The following IGSF6 variants were observed in gnomAD, a reference collection of about 807,000 sequenced individuals.
The protein encoded by IGSF6 is immunoglobulin superfamily member 6.
A neutral mutation model predicts 24.7 loss-of-function variants in IGSF6; 23 were observed. The ratio of observed to expected loss-of-function variants is 0.93; its 90% CI spans 0.67 to 1.32. The LOEUF is 1.32. Among genes scored for constraint, IGSF6 ranks in the 40% most tolerant of loss-of-function variants. IGSF6 has a pLI of 0.00. For missense variants in IGSF6, 295 were observed against 293.6 expected, an observed-to-expected ratio of 1.00 and a Z score of -0.04; for synonymous variants, 110 against 113.7, an observed-to-expected ratio of 0.97 and a Z score of 0.21.
At chr16:21,643,467 A>T in intron 4 of IGSF6, 81 bp downstream of exon 4, 2 of 899,744 alleles carry the variant, frequency 2.2e-6, no homozygotes, top group Admixed American at 2.6e-5. Context: ...TTAAATATTT[A>T]AAAGCTAAAA....
At chr16:21,651,376 C>T (rs906716720) in intron 1 of IGSF6, among the ~76,000 whole-genome samples, 12 of 152,164 alleles carry the variant, frequency 7.9e-5, no homozygotes, top group South Asian at 2.1e-4. Flanking sequence ...CTCCCTATAG[C>T]CTGAAAGTCC....
At chr16:21,648,573 G>T (rs962537473) in intron 1 of IGSF6, among the ~76,000 whole-genome samples, 21 of 152,186 alleles carry the variant, frequency 1.4e-4, no homozygotes, top group Admixed American at 7.2e-4. Flanking sequence ...ACCATGTGGT[G>T]CTCTTCCAAG....
rs945301354 is a variant in IGSF6, at chr16:21,640,174, A to G, written c.*1360T>C. ...AGGCTGGTCTCGAACTCCTGATCTC[A>G]TGATTCACCTGCCTCAGCCTCCCAA... is the stretch of plus-strand genomic sequence containing the variant. On this transcript the variant is annotated 3_prime_UTR_variant, in exon 6 of 6. Coordinates refer to ENST00000268389, the MANE Select transcript of IGSF6 (RefSeq NM_005849.4). 4 of 151,966 alleles carry G rather than the reference A, an allele frequency of 2.6e-5. No individual in the cohort carries two copies. The highest frequency in any genetic ancestry group is 4.4e-5 in the Non-Finnish European group (3 of 68,002). The allele number at this position is 151,966 out of a possible 1,614,324, so 9.4% of individuals were successfully genotyped here. A position where few individuals can be genotyped will look rare whatever the true frequency, so the allele number is the denominator to read the frequency against.
chr16:21,649,998 C>T (rs573175944), intron 1 of IGSF6, among the ~76,000 whole-genome samples: 1 of 152,214 alleles, frequency 6.6e-6, no homozygotes, highest in East Asian at 1.9e-4. Flanking sequence ...AAAGGGAAGC[C>T]AAAGAGCCAG....
chr16:21,648,338 G>A (rs1041844115), intron 1 of IGSF6, among the ~76,000 whole-genome samples: 11 of 152,190 alleles, frequency 7.2e-5, no homozygotes, highest in African/African-American at 2.7e-4. Context: ...AATGGGGATA[G>A]TATTGTTGAC....
intron 5 of IGSF6, among the ~76,000 whole-genome samples, chr16:21,642,786 T>C (rs1036295453): frequency 6.6e-6 from 1 of 152,234 alleles, no homozygotes; most frequent in African/African-American, 2.4e-5. Context: ...TTTTAATCTA[T>C]CCTTTTAAAG....
intron 4 of IGSF6, 143 bp from the exon 5 acceptor site, chr16:21,643,297 T>C: frequency 4.5e-6 from 3 of 659,430 alleles, no homozygotes; most frequent in East Asian, 2.6e-5. Context: ...TACAGTTAAC[T>C]CTTTTGTATT....
Position 21,647,289 on chromosome 16 carries a change from T to G in IGSF6, c.271A>C (p.Thr91Pro), listed in dbSNP as rs1966455447. The change falls in exon 2 of 6, where the codon ACA (threonine) becomes CCA (proline). Residue 91 changes from threonine (T) to proline (P), a missense_variant. Thr to Pro is a conservative substitution (Grantham distance 38). Coordinates refer to ENST00000268389, the MANE Select transcript of IGSF6 (RefSeq NM_005849.4). ...DGCKSEADKFTVREALKENQV... is the reference protein window; with the variant it reads ...DGCKSEADKFPVREALKENQV... ...TTTTCTTTGAGGGCCTCCCTCACTG[T>G]GAACTTGTCTGCCTCACTTTTGCAC... 1 of 1,614,066 alleles carries G rather than the reference T, an allele frequency of 6.2e-7. No individual in the cohort carries two copies. The highest frequency in any genetic ancestry group is 1.7e-5 in the Admixed American group (1 of 60,012).
At chr16:21,645,457 T>TA (rs1044607888) in intron 2 of IGSF6, among the ~76,000 whole-genome samples, 5 of 151,326 alleles carry the variant, frequency 3.3e-5, no homozygotes, top group Admixed American at 2.6e-4. Context: ...ACTCTTGTCT[T>TA]AAAAAAAAAG....
At chr16:21,642,289 A>G (rs1175782098) in intron 5 of IGSF6, 1 of 150,156 alleles carries the variant, frequency 6.7e-6, no homozygotes, top group Non-Finnish European at 1.5e-5. Context: ...AGTTCAGCTT[A>G]TTTTGTGCTC....
intron 1 of IGSF6, chr16:21,651,933 A>T (rs1966587128): frequency 6.6e-6 from 1 of 152,132 alleles, no homozygotes; most frequent in Non-Finnish European, 1.5e-5. Flanking sequence ...TCCCATTAAC[A>T]TTTTGATATA....
At position 21,639,665 on chromosome 16, in the gene IGSF6, C is replaced by T. The variant is rs867440804; in HGVS notation, c.*1869G>A. 2 of 152,122 alleles carry T rather than the reference C, an allele frequency of 1.3e-5. No homozygotes were observed. The highest frequency in any genetic ancestry group is 3.4e-3 in the Middle Eastern group (1 of 294). 9.4% of individuals were successfully genotyped at this position (152,122 alleles called of 1,614,324 possible). A position where few individuals can be genotyped will look rare whatever the true frequency, so the allele number is the denominator to read the frequency against. On this transcript the variant is annotated 3_prime_UTR_variant, in exon 6 of 6. Transcript: ENST00000268389. The stretch of plus-strand genomic sequence containing the variant: ...CAAAGGTACATTTTCATGCATATAC[C>T]GTATACAAAACACATGTGGCCCCAC...
At position 21,641,294 on chromosome 16, in the gene IGSF6, A is replaced by G; in HGVS notation, c.*240T>C. On this transcript the variant is annotated 3_prime_UTR_variant, in exon 6 of 6. Coordinates refer to ENST00000268389, the MANE Select transcript of IGSF6 (RefSeq NM_005849.4). Reference sequence around the variant, plus strand: ...AACAGACTCAGGATACAAGTTTAAAATAGAATTTTTTTTCTTGGCAAATTT... The same window carrying G: ...AACAGACTCAGGATACAAGTTTAAAGTAGAATTTTTTTTCTTGGCAAATTT... The G allele has an allele frequency of 6.0e-6, 2 of 335,674 alleles. No individual in the cohort carries two copies. Among genetic ancestry groups the G allele is most frequent in the South Asian group, 1.1e-4 (2 of 18,012 alleles). The allele number at this position is 335,674 out of a possible 1,614,324, so 20.8% of individuals were successfully genotyped here.
intron 1 of IGSF6, 145 bp downstream of exon 1, chr16:21,652,387 A>G: frequency 5.6e-6 from 3 of 538,016 alleles, no homozygotes; most frequent in South Asian, 3.6e-5. Context: ...TTCTCAGGGG[A>G]AAAAGGAAAC....
intron 5 of IGSF6, among the ~76,000 whole-genome samples, chr16:21,642,625 G>GT (rs1966301914): frequency 6.6e-6 from 1 of 152,234 alleles, no homozygotes; most frequent in South Asian, 2.1e-4. Flanking sequence ...AGAAATACTT[G>GT]TTTTTTAATA....
intron 2 of IGSF6, among the ~76,000 whole-genome samples, chr16:21,645,378 G>T (rs1311022502): frequency 6.6e-6 from 1 of 152,060 alleles, no homozygotes; most frequent in Non-Finnish European, 1.5e-5. Flanking sequence ...GCTTGAACCC[G>T]GAAGGTGGAG....
chr16:21,643,558 T>C lies in IGSF6; in HGVS notation c.575A>G (p.Asp192Gly), dbSNP rs1966334041. The change falls in exon 4 of 6, where the codon GAC becomes GGC. Residue 192 changes from aspartate (D) to glycine (G), a missense_variant. Coordinates refer to ENST00000268389, the MANE Select transcript of IGSF6 (RefSeq NM_005849.4). ...NPLRNKEIKE[D>G]SQKKKSARRI... ...AGTGTTGGTCTGTACCTTTTGTGAG[T>C]CTTCTTTTATTTCTTTGTTTCTTAG... The C allele has an allele frequency of 6.2e-7, 1 of 1,603,674 alleles. No individual in the cohort carries two copies. The highest frequency in any genetic ancestry group is 1.7e-5 in the Admixed American group (1 of 59,390).
chr16:21,640,477 G>C lies in IGSF6; in HGVS notation c.*1057C>G, dbSNP rs1290166203. 2 of 150,896 alleles carry C rather than the reference G, an allele frequency of 1.3e-5. No homozygotes were observed. Among genetic ancestry groups the C allele is most frequent in the Non-Finnish European group, 2.9e-5 (2 of 67,838 alleles). The allele number at this position is 150,896 out of a possible 1,614,324, so 9.3% of individuals were successfully genotyped here. Reference sequence around the variant, plus strand: ...TAAAAATCAGTATTATAGACTGTGCGCGGTGGCTCACGCCTGTAATCCCAG... The same window carrying C: ...TAAAAATCAGTATTATAGACTGTGCCCGGTGGCTCACGCCTGTAATCCCAG... On this transcript the variant is annotated 3_prime_UTR_variant, in exon 6 of 6. Transcript: ENST00000268389.
rs576378678 is a variant in IGSF6, at chr16:21,645,273, C to T, written c.428-877G>A. On this transcript the variant is annotated intron_variant, in intron 2 of 5. Coordinates refer to ENST00000268389, the MANE Select transcript of IGSF6 (RefSeq NM_005849.4). Reference sequence around the variant, plus strand: ...TTTGACACCAGCCTGGCCAACATGGCGAAACCCCATCTCTACTAAAAATAC... The same window carrying T: ...TTTGACACCAGCCTGGCCAACATGGTGAAACCCCATCTCTACTAAAAATAC... Among the ~76,000 whole-genome samples the T allele has an allele frequency of 5.9e-5, 9 of 152,132 alleles. No individual in the cohort carries two copies. The East Asian group carries it at 7.7e-4, about 13-fold the overall frequency.
Sources: allele counts gnomAD v4.1 joint callset (sites outside exome capture counted in the v4.1 genomes callset), GRCh38; gene constraint gnomAD v4.1.1; transcripts MANE v1.5; gene names NCBI Gene and HGNC (gene_info 2026-07-23, HGNC 2026-07-21).